The following SCN10A variants were observed in gnomAD, a reference collection of about 807,000 sequenced individuals.
SCN10A encodes the protein sodium voltage-gated channel alpha subunit 10.
A neutral mutation model predicts 170.7 loss-of-function variants in SCN10A; 162 were observed. The ratio of observed to expected loss-of-function variants is 0.95; its 90% CI spans 0.84 to 1.08. The LOEUF (loss-of-function observed/expected upper bound fraction) is 1.08, where lower values mean the gene tolerates loss of function less well. Among genes scored for constraint, SCN10A ranks in the 50% least tolerant of loss-of-function variants. The pLI is 0.00. For synonymous variants in SCN10A, 985 were observed against 904.6 expected (o/e 1.09, Z -1.59); for missense variants, 2,527 against 2,436.9 (o/e 1.04, Z -0.78).
chr3:38,706,509 C>A (rs2063212737), intron 26 of SCN10A, among the ~76,000 whole-genome samples: 1 of 152,176 alleles, frequency 6.6e-6, no homozygotes, highest in Non-Finnish European at 1.5e-5. Context: ...AGACGATCAA[C>A]AATAATTTCT....
intron 4 of SCN10A, among the ~76,000 whole-genome samples, chr3:38,787,456 A>C (rs2064221067): frequency 6.6e-6 from 1 of 152,074 alleles, no homozygotes. Context: ...TATTATCTGT[A>C]AATTACATCT....
chr3:38,754,181 C>A (rs1415152281), intron 11 of SCN10A, among the ~76,000 whole-genome samples: 1 of 152,214 alleles, frequency 6.6e-6, no homozygotes, highest in Non-Finnish European at 1.5e-5. Context: ...ACTAGAAGAA[C>A]CCCTACATGC....
In SCN10A at chr3:38,739,944, C is replaced by G. The variant is rs115776862; in HGVS notation, c.2107-256G>C. 1.7e-3 allele frequency among the ~76,000 whole-genome samples: 262 copies of G among 152,142 alleles called. 1 individual carries two copies. Among genetic ancestry groups the G allele is most frequent in the Non-Finnish European group, 2.6e-3 (174 of 68,002 alleles). On this transcript the variant is annotated intron_variant, in intron 14 of 27. Coordinates refer to ENST00000449082, the MANE Select transcript of SCN10A (RefSeq NM_006514.4). Reference sequence around the variant, plus strand: ...TGAATGGTGGTGGGAGTGGAATAAGCGGATAGTCTTTAAGATCATTATTAT... The same window carrying G: ...TGAATGGTGGTGGGAGTGGAATAAGGGGATAGTCTTTAAGATCATTATTAT...
chr3:38,794,030 A>G lies in SCN10A; in HGVS notation c.-20T>C. On this transcript the variant is annotated 5_prime_UTR_variant, in exon 2 of 28. Transcript: ENST00000449082. ...TTCCATCTTCTCATTCTTCTTCAGG[A>G]AGTATTTATACTCTTATAAGAGTGG... 1 of 1,611,230 alleles carries G rather than the reference A, an allele frequency of 6.2e-7. No homozygotes were observed.
intron 14 of SCN10A, 85 bp downstream of exon 14, chr3:38,742,206 C>A (rs1034649029): frequency 1.8e-5 from 16 of 898,630 alleles, no homozygotes; most frequent in African/African-American, 3.2e-5. Context: ...AAGGGCATGC[C>A]CCACCCCACC....
At chr3:38,737,806 TTCTTTC>T (rs2063583935) in intron 15 of SCN10A, among the ~76,000 whole-genome samples, 1 of 113,306 alleles carries the variant, frequency 8.8e-6, no homozygotes, top group Admixed American at 9.8e-5. Flanking sequence ...TCCTCTTTCT[TTCTTTC>T]TTTCTTTCTT....
intron 22 of SCN10A, 58 bp downstream of exon 22, chr3:38,713,900 T>G: frequency 6.3e-7 from 1 of 1,599,988 alleles, no homozygotes; most frequent in Non-Finnish European, 8.5e-7. Flanking sequence ...AGTGCTGGGA[T>G]TACAGGCATG....
chr3:38,736,114 A>G (rs988333554), intron 15 of SCN10A, among the ~76,000 whole-genome samples: 3 of 152,220 alleles, frequency 2.0e-5, no homozygotes, highest in African/African-American at 4.8e-5. Context: ...TTCCAGGCAC[A>G]GCGAAAAAAA....
At chr3:38,714,701 G>C (rs1241093551) in intron 21 of SCN10A, among the ~76,000 whole-genome samples, 2 of 152,138 alleles carry the variant, frequency 1.3e-5, no homozygotes, top group African/African-American at 4.8e-5. Flanking sequence ...AAAAGTTTCT[G>C]GTATGGGTCC....
intron 15 of SCN10A, among the ~76,000 whole-genome samples, chr3:38,729,877 G>A (rs1237374739): frequency 6.6e-6 from 1 of 152,172 alleles, no homozygotes; most frequent in African/African-American, 2.4e-5. Context: ...AATCCCACGG[G>A]AGGAGGTTTA....
intron 26 of SCN10A, among the ~76,000 whole-genome samples, chr3:38,706,381 T>C (rs6599247): frequency 0.93 from 141,693 of 152,300 alleles, 65,969 homozygotes; most frequent in Middle Eastern, 0.97. Context: ...TGAAATTGTG[T>C]CATCAGCAAT....
intron 13 of SCN10A, among the ~76,000 whole-genome samples, chr3:38,745,157 G>A (rs2063673288): frequency 6.6e-6 from 1 of 152,224 alleles, no homozygotes; most frequent in African/African-American, 2.4e-5. Context: ...TTTGTAAACA[G>A]CCTTGACATT....
intron 4 of SCN10A, among the ~76,000 whole-genome samples, chr3:38,781,510 T>C (rs1279255406): frequency 6.6e-6 from 1 of 152,166 alleles, no homozygotes; most frequent in Admixed American, 6.5e-5. Context: ...TATGAAGTTT[T>C]GCCTCATCCA....
intron 5 of SCN10A, among the ~76,000 whole-genome samples, chr3:38,765,371 C>G (rs780977957): frequency 7.2e-5 from 11 of 152,198 alleles, no homozygotes; most frequent in Non-Finnish European, 1.5e-4. Context: ...TTTTATCCAT[C>G]TTGAATTGAT....
chr3:38,724,943 T>A (rs1166977487), intron 18 of SCN10A, among the ~76,000 whole-genome samples: 1 of 152,192 alleles, frequency 6.6e-6, no homozygotes, highest in Non-Finnish European at 1.5e-5. Context: ...TTTCTATACC[T>A]AGAACCACCC....
intron 1 of SCN10A, among the ~76,000 whole-genome samples, chr3:38,813,201 G>T (rs1445242877): frequency 6.6e-6 from 1 of 152,044 alleles, no homozygotes; most frequent in Non-Finnish European, 1.5e-5. Context: ...TGTGCCTAAT[G>T]CAAGTCAAGC....
chr3:38,725,763 A>G (rs2063447670), intron 17 of SCN10A, among the ~76,000 whole-genome samples: 1 of 152,252 alleles, frequency 6.6e-6, no homozygotes, highest in Non-Finnish European at 1.5e-5. Context: ...AAGAGCCCCA[A>G]AGTAACTGAA....
intron 1 of SCN10A, among the ~76,000 whole-genome samples, chr3:38,811,461 A>T (rs1427095152): frequency 2.0e-5 from 3 of 151,902 alleles, no homozygotes; most frequent in Non-Finnish European, 4.4e-5. Flanking sequence ...TCAAAAAAAA[A>T]AAAAATAGAA....
chr3:38,740,234 C>T (rs990284709), intron 14 of SCN10A, among the ~76,000 whole-genome samples: 1 of 152,206 alleles, frequency 6.6e-6, no homozygotes, highest in African/African-American at 2.4e-5. Context: ...AACAATGATT[C>T]ATTGCCTCTA....
Sources: gnomAD v4.1 joint callset for allele counts (sites outside exome capture counted in the v4.1 genomes callset) on GRCh38, gnomAD v4.1.1 for gene constraint, MANE v1.5 for transcripts, NCBI Gene and HGNC (gene_info 2026-07-23, HGNC 2026-07-21) for gene names.